APP: variants seen among roughly 807,000 people sequenced by gnomAD.
APP encodes amyloid beta precursor protein, also known as amyloid-beta precursor protein.
Under a neutral mutation model 101.4 loss-of-function variants are expected in APP, and 31 were observed. That is an observed-to-expected ratio of 0.31 (90% CI 0.23 to 0.41). APP has a LOEUF of 0.41. APP is among the 10% of genes least tolerant of loss of function. The pLI is 1.00. For missense variants in APP, 839 were observed against 1,003.7 expected (o/e 0.84, Z 2.22); for synonymous variants, 366 against 364.4 (o/e 1.00, Z -0.05).
intron 8 of APP, among the ~76,000 whole-genome samples, chr21:25,991,716 G>A (rs2042872751): frequency 6.6e-6 from 1 of 152,214 alleles, no homozygotes; most frequent in Admixed American, 6.5e-5. Flanking sequence ...TCGGAACACA[G>A]CCTTGTCTAT....
rs758637653 is a variant in APP, at chr21:26,051,129, T to C, written c.533A>G (p.Lys178Arg). The C allele has an allele frequency of 3.7e-6, 6 of 1,614,058 alleles. No homozygotes were observed. The highest frequency in any genetic ancestry group is 2.2e-5 in the East Asian group (1 of 44,892). The change falls in exon 5 of 18, where the codon AAG (lysine) becomes AGG (arginine). Residue 178 changes from lysine (K) to arginine (R), a missense_variant. Transcript: ENST00000346798. ...ACACACAAACTCTACCCCTCGGAAC[T>C]TGTCAATTCCGCAGGGCAGCAACAT... The part of the protein sequence containing the change: ...YGMLLPCGID[K>R]FRGVEFVCCP...
chr21:25,881,398 A>C lies in APP; in HGVS notation c.*272T>G. The C allele has an allele frequency of 3.9e-6, 2 of 511,120 alleles. No individual in the cohort carries two copies. The highest frequency in any genetic ancestry group is 4.1e-5 in the South Asian group (2 of 48,342). 31.7% of individuals were successfully genotyped at this position (511,120 alleles called of 1,614,324 possible). ...TCAGGAGAGAATCTATTCATGCACT[A>C]GTTTGATACAGCTAAATTCTTTACA... On this transcript the variant is annotated 3_prime_UTR_variant, in exon 18 of 18. Coordinates refer to ENST00000346798, the MANE Select transcript of APP (RefSeq NM_000484.4).
intron 2 of APP, 138 bp downstream of exon 2, chr21:26,111,841 T>G: frequency 1.2e-6 from 1 of 851,960 alleles, no homozygotes; most frequent in Non-Finnish European, 2.0e-6. Context: ...ATAAATATAT[T>G]AATGGTATGG....
Position 25,917,917 on chromosome 21 carries a change from G to GA in APP, c.1688-5956dup, listed in dbSNP as rs138950793. ...ACATGTATGTGGCCAACAAACATAT[G>GA]AAAAAAAAAAAAAAAGCTCATCATC... On this transcript the variant is annotated intron_variant, in intron 13 of 17. Transcript: ENST00000346798. Among the ~76,000 whole-genome samples the GA allele has an allele frequency of 5.7e-3, 640 of 111,714 alleles. 6 individuals are homozygous for GA. The highest frequency in any genetic ancestry group is 0.013 in the African/African-American group (403 of 30,358). The allele number at this position is 111,714 out of a possible 152,430, so 73.3% of individuals were successfully genotyped here. A position where few individuals can be genotyped will look rare whatever the true frequency, so the allele number is the denominator to read the frequency against.
Position 25,901,090 on chromosome 21 carries a change from G to A in APP, c.1964-3417C>T, listed in dbSNP as rs1300975459. ...AGGCGGGCAAACAGTTTGAACTCAGGAGTTCGAGACCAGCCTAGCCAATAT... is the reference window on the plus strand; with the variant it reads ...AGGCGGGCAAACAGTTTGAACTCAGAAGTTCGAGACCAGCCTAGCCAATAT... On this transcript the variant is annotated intron_variant, in intron 15 of 17. Transcript: ENST00000346798. Among the ~76,000 whole-genome samples, 8 of 152,086 alleles carry A rather than the reference G, an allele frequency of 5.3e-5. No homozygotes were observed. In the East Asian group the frequency reaches 1.5e-3, roughly 29 times the overall value.
rs1034409475 is a variant in APP at position 25,891,962 on chromosome 21, G to A, written c.2065-94C>T. 11 of 1,317,314 alleles carry A rather than the reference G, an allele frequency of 8.4e-6. No homozygotes were observed. In the African/African-American group the frequency reaches 1.0e-4, roughly 12 times the overall value. 81.6% of individuals were successfully genotyped at this position (1,317,314 alleles called of 1,614,324 possible). On this transcript the variant is annotated intron_variant, in intron 16 of 17. Transcript: ENST00000346798. ...ATTAGAAGAATTTCATTTCTTAAATGCAGGGGACATTTGGATGAGGTTATA... is the reference window on the plus strand; with the variant it reads ...ATTAGAAGAATTTCATTTCTTAAATACAGGGGACATTTGGATGAGGTTATA...
chr21:25,951,078 A>C (rs2041054458), intron 13 of APP, among the ~76,000 whole-genome samples: 1 of 152,182 alleles, frequency 6.6e-6, no homozygotes, highest in Non-Finnish European at 1.5e-5. Context: ...GGATTCACTG[A>C]AGTTAGTGGG....
chr21:25,887,848 T>G (rs1000688850), intron 17 of APP, among the ~76,000 whole-genome samples: 1 of 152,216 alleles, frequency 6.6e-6, no homozygotes, highest in African/African-American at 2.4e-5. Context: ...TACATGTACT[T>G]TATGATGTTT....
intron 8 of APP, among the ~76,000 whole-genome samples, chr21:25,988,625 C>T (rs1395369017): frequency 6.7e-6 from 1 of 148,514 alleles, no homozygotes; most frequent in African/African-American, 2.5e-5. Context: ...TTGCTTGAAC[C>T]CGGGAGGCGG....
At position 25,984,054 on chromosome 21, in the gene APP, T is replaced by C. The variant is rs80002225; in HGVS notation, c.1091-1577A>G. ...TGGGAAAATGAGATACCATACCACA[T>C]GTAAGTCATCCGGCAGAGAGGGTGA... On this transcript the variant is annotated intron_variant, in intron 8 of 17. Coordinates refer to ENST00000346798, the MANE Select transcript of APP (RefSeq NM_000484.4). Among the ~76,000 whole-genome samples the C allele has an allele frequency of 6.1e-3, 928 of 152,258 alleles. 35 individuals are homozygous for C. In the East Asian group the frequency reaches 0.089, roughly 15 times the overall value.
intron 10 of APP, 53 bp from the exon 11 acceptor site, chr21:25,975,281 G>T: frequency 5.6e-6 from 9 of 1,609,854 alleles, no homozygotes; most frequent in Non-Finnish European, 7.6e-6. Flanking sequence ...GGATGAAGCA[G>T]CAATTTCAAG....
At chr21:25,992,047 G>C (rs1236633395) in intron 8 of APP, among the ~76,000 whole-genome samples, 1 of 152,174 alleles carries the variant, frequency 6.6e-6, no homozygotes, top group Non-Finnish European at 1.5e-5. Flanking sequence ...TTCTCTCACA[G>C]TGCAACGTAC....
At chr21:25,884,463 A>G (rs747077841) in intron 17 of APP, among the ~76,000 whole-genome samples, 6 of 152,232 alleles carry the variant, frequency 3.9e-5, no homozygotes, top group Admixed American at 6.5e-5. Context: ...TTTGCTGTGC[A>G]CTGTTGTCAA....
At chr21:26,039,179 T>C (rs73340735) in intron 5 of APP, among the ~76,000 whole-genome samples, 1,840 of 152,334 alleles carry the variant, frequency 0.012, 32 homozygotes, top group African/African-American at 0.042. Context: ...CATTCATCTC[T>C]TTCCCAGTTT....
intron 1 of APP, among the ~76,000 whole-genome samples, chr21:26,123,476 G>A (rs1485809550): frequency 6.6e-6 from 1 of 152,152 alleles, no homozygotes; most frequent in African/African-American, 2.4e-5. Flanking sequence ...GAATACTCCA[G>A]GTTTAAATTC....
At chr21:26,158,550 A>G (rs1195288968) in intron 1 of APP, among the ~76,000 whole-genome samples, 1 of 152,184 alleles carries the variant, frequency 6.6e-6, no homozygotes, top group Non-Finnish European at 1.5e-5. Context: ...AGACCTTGAA[A>G]AGGACTTCTA....
chr21:25,973,488 TAAG>T (rs1214019632), intron 11 of APP, among the ~76,000 whole-genome samples: 3 of 152,156 alleles, frequency 2.0e-5, no homozygotes, highest in African/African-American at 7.2e-5. Flanking sequence ...GATCATTTCA[TAAG>T]AAGAGGCTCA....
At chr21:25,888,294 G>T (rs1055373000) in intron 17 of APP, among the ~76,000 whole-genome samples, 1 of 152,170 alleles carries the variant, frequency 6.6e-6, no homozygotes, top group Non-Finnish European at 1.5e-5. Flanking sequence ...GGGTGCAGAC[G>T]CTGGAATGCT....
intron 8 of APP, 183 bp downstream of exon 8, chr21:25,997,177 A>G: frequency 1.6e-6 from 1 of 633,254 alleles, no homozygotes; most frequent in Non-Finnish European, 2.8e-6. Flanking sequence ...TCTTAGCCCA[A>G]CATCTCAAGC....
Sources: gnomAD v4.1 joint callset for allele counts (sites outside exome capture counted in the v4.1 genomes callset) on GRCh38, gnomAD v4.1.1 for gene constraint, MANE v1.5 for transcripts, NCBI Gene and HGNC (gene_info 2026-07-23, HGNC 2026-07-21) for gene names.